FAM111B: variants seen among roughly 807,000 people sequenced by gnomAD.
FAM111B encodes serine protease FAM111B.
FAM111B carries 1 observed loss-of-function variant against 2.8 expected under a neutral mutation model. That is an observed-to-expected ratio of 0.36 (90% CI 0.13 to 1.70). The LOEUF is 1.70. FAM111B is among the 40% of genes most tolerant of loss of function. The pLI, the probability that FAM111B is intolerant of heterozygous loss-of-function variation, is 0.35. For synonymous variants in FAM111B, 297 were observed against 295.6 expected (o/e 1.00, Z -0.05); for missense variants, 882 against 878.9 (o/e 1.00, Z -0.04).
chr11:59,114,697 A>G (rs574303428), intron 3 of FAM111B, among the ~76,000 whole-genome samples: 1 of 152,320 alleles, frequency 6.6e-6, no homozygotes, highest in African/African-American at 2.4e-5. Context: ...TTGCAAACCT[A>G]CGTGCCTGGT....
intron 3 of FAM111B, among the ~76,000 whole-genome samples, chr11:59,115,181 T>A (rs1473350403): frequency 6.6e-6 from 1 of 152,132 alleles, no homozygotes; most frequent in South Asian, 2.1e-4. Flanking sequence ...CCACTTTCTC[T>A]CTTTCTTTAT....
At position 59,108,497 on chromosome 11, in the gene FAM111B, T is replaced by C. The variant is rs1332705406; in HGVS notation, c.-131-171T>C. Among the ~76,000 whole-genome samples, 3 of 152,206 alleles carry C rather than the reference T, an allele frequency of 2.0e-5. No homozygotes were observed. The East Asian group carries it at 5.8e-4, about 29-fold the overall frequency. On this transcript the variant is annotated intron_variant, in intron 1 of 3. Transcript: ENST00000343597. ...ATCTGGAATTCCTACTGGTTTTGTC[T>C]TGCTGCCCTTCCTTGCCACACTGGC... is the stretch of plus-strand genomic sequence containing the variant.
In FAM111B at chr11:59,125,141, T is replaced by C; in HGVS notation, c.1044T>C (p.Tyr348=). The change falls in exon 4 of 4, where the codon TAT becomes TAC. Residue 348 remains tyrosine, a synonymous_variant. Transcript: ENST00000343597. ...TRQTIPRIRN[Y]YFCSLPRKYR... ...AGACAATTCCCAGGATTAGAAATTA[T>C]TACTTTTGTAGTTTGCCCCGAAAAT... The C allele has an allele frequency of 1.2e-6, 2 of 1,613,950 alleles. No individual in the cohort carries two copies. Among genetic ancestry groups the C allele is most frequent in the South Asian group, 2.2e-5 (2 of 91,074 alleles).
intron 3 of FAM111B, among the ~76,000 whole-genome samples, chr11:59,118,084 G>A (rs1175115691): frequency 6.6e-6 from 1 of 152,200 alleles, no homozygotes; most frequent in African/African-American, 2.4e-5. Flanking sequence ...TTCACTGGTT[G>A]CAGGAGAGGA....
At chr11:59,109,238 C>T (rs1859716009) in intron 2 of FAM111B, among the ~76,000 whole-genome samples, 1 of 152,316 alleles carries the variant, frequency 6.6e-6, no homozygotes, top group African/African-American at 2.4e-5. Context: ...ATACCCACTG[C>T]AGATCTCTCA....
At chr11:59,115,596 GT>G (rs1467808431) in intron 3 of FAM111B, among the ~76,000 whole-genome samples, 3 of 152,196 alleles carry the variant, frequency 2.0e-5, no homozygotes, top group African/African-American at 4.8e-5. Flanking sequence ...CCAAGGAGAG[GT>G]CTTTTTGCTG....
chr11:59,109,258 C>T (rs1010414251), intron 2 of FAM111B, among the ~76,000 whole-genome samples: 1 of 152,162 alleles, frequency 6.6e-6, no homozygotes, highest in Non-Finnish European at 1.5e-5. Flanking sequence ...ATACTGTGTG[C>T]TCCTGTGGCT....
Position 59,125,194 on chromosome 11 carries a change from G to A in FAM111B, c.1097G>A (p.Arg366Gln), listed in dbSNP as rs368098540. The A allele has an allele frequency of 8.7e-6, 14 of 1,613,812 alleles. No individual in the cohort carries two copies. The highest frequency in any genetic ancestry group is 2.2e-5 in the East Asian group (1 of 44,888). The stretch of plus-strand genomic sequence containing the variant: ...AGGCAAATAAACTCACAAGTTAGAC[G>A]GAGGCCGCATCTGGGTAGGCGGTAT... ...KYRQINSQVR[R>Q]RPHLGRRYAI... The change falls in exon 4 of 4, where the codon CGG (arginine) becomes CAG (glutamine). Residue 366 changes from arginine (R) to glutamine (Q), a missense_variant. Coordinates refer to ENST00000343597, the MANE Select transcript of FAM111B (RefSeq NM_198947.4).
At chr11:59,107,858 T>A (rs1859689637) in intron 1 of FAM111B, among the ~76,000 whole-genome samples, 1 of 152,148 alleles carries the variant, frequency 6.6e-6, no homozygotes, top group South Asian at 2.1e-4. Context: ...CAGCAAGGAT[T>A]CAGGTTAGGG....
At position 59,124,993 on chromosome 11, in the gene FAM111B, T is replaced by C. The variant is rs1859994956; in HGVS notation, c.896T>C (p.Ile299Thr). Reference protein sequence around the residue: ...ATDEINHQSLIQSKKKVHKPK... With the variant: ...ATDEINHQSLTQSKKKVHKPK... Reference sequence around the variant, plus strand: ...GATGAAATTAATCACCAGAGTCTGATACAGTCTAAGAAAAAAGTCCACAAA... The same window carrying C: ...GATGAAATTAATCACCAGAGTCTGACACAGTCTAAGAAAAAAGTCCACAAA... The change falls in exon 4 of 4, where the codon ATA becomes ACA. Residue 299 changes from isoleucine (I) to threonine (T), a missense_variant. Transcript: ENST00000343597. The C allele has an allele frequency of 6.2e-7, 1 of 1,612,294 alleles. No individual in the cohort carries two copies. The highest frequency in any genetic ancestry group is 8.5e-7 in the Non-Finnish European group (1 of 1,179,630).
intron 3 of FAM111B, among the ~76,000 whole-genome samples, chr11:59,115,289 G>C (rs1222056043): frequency 2.6e-5 from 4 of 152,212 alleles, no homozygotes; most frequent in Non-Finnish European, 5.9e-5. Flanking sequence ...GTTACAGAAA[G>C]TCAAGGAATA....
Position 59,127,244 on chromosome 11 carries a change from G to A in FAM111B, c.*942G>A, listed in dbSNP as rs1860053787. 1 of 152,114 alleles carries A rather than the reference G, an allele frequency of 6.6e-6. No individual in the cohort carries two copies. Among genetic ancestry groups the A allele is most frequent in the Admixed American group, 6.6e-5 (1 of 15,254 alleles). The allele number at this position is 152,114 out of a possible 1,614,324, so 9.4% of individuals were successfully genotyped here. On this transcript the variant is annotated 3_prime_UTR_variant, in exon 4 of 4. Coordinates refer to ENST00000343597, the MANE Select transcript of FAM111B (RefSeq NM_198947.4). ...TATGGGGCCTACTTGAGGGTGGAGG[G>A]TGGGAGGAGGGTGAAGACTGAAAAA...
intron 3 of FAM111B, among the ~76,000 whole-genome samples, chr11:59,111,507 A>G (rs1466299085): frequency 2.6e-5 from 4 of 152,180 alleles, no homozygotes; most frequent in Non-Finnish European, 4.4e-5. Flanking sequence ...GTTAAATATT[A>G]ATGTTAAAAT....
intron 3 of FAM111B, among the ~76,000 whole-genome samples, chr11:59,111,736 G>A (rs1289259472): frequency 6.6e-6 from 1 of 152,126 alleles, no homozygotes; most frequent in African/African-American, 2.4e-5. Context: ...CTATTGGGCA[G>A]TACTAGTCTA....
rs1205048172 is a variant in FAM111B, at chr11:59,125,758, G to C, written c.1661G>C (p.Gly554Ala). The change falls in exon 4 of 4, where the codon GGA becomes GCA. Residue 554 changes from glycine to alanine, a missense_variant. Physicochemically the swap from Gly to Ala is moderately conservative, Grantham distance 60. Coordinates refer to ENST00000343597, the MANE Select transcript of FAM111B (RefSeq NM_198947.4). ...DYAILKLKEN[G>A]NAFPPGLWRQ... ...GCCATTTTAAAACTAAAAGAAAATG[G>C]AAATGCGTTTCCTCCAGGACTATGG... 6.2e-7 allele frequency: 1 copy of C among 1,613,770 alleles called. No individual in the cohort carries two copies. The highest frequency in any genetic ancestry group is 1.3e-5 in the African/African-American group (1 of 75,008).
In FAM111B at chr11:59,124,329, G is replaced by A. The variant is rs996017581; in HGVS notation, c.232G>A (p.Glu78Lys). 5 of 1,613,636 alleles carry A rather than the reference G, an allele frequency of 3.1e-6. No individual in the cohort carries two copies. The highest frequency in any genetic ancestry group is 3.3e-5 in the Admixed American group (2 of 59,958). ...EMQNPNLNNK[E>K]CCFTFTLNGN... ...GCAGAATCCAAATTTGAACAATAAA[G>A]AATGTTGTTTCACCTTTACGTTGAA... Residue 78 changes from glutamate to lysine, a missense_variant, in exon 4 of 4, where the codon GAA (glutamate) becomes AAA (lysine). Physicochemically the swap from Glu to Lys is moderately conservative, Grantham distance 56. Coordinates refer to ENST00000343597, the MANE Select transcript of FAM111B (RefSeq NM_198947.4).
intron 3 of FAM111B, among the ~76,000 whole-genome samples, chr11:59,119,771 GCTCA>G (rs1478488300): frequency 6.6e-6 from 1 of 152,068 alleles, no homozygotes; most frequent in East Asian, 1.9e-4. Flanking sequence ...ATAGAGGAGT[GCTCA>G]CTATTACTGC....
At chr11:59,111,307 C>T (rs1007876829) in intron 3 of FAM111B, among the ~76,000 whole-genome samples, 3 of 152,096 alleles carry the variant, frequency 2.0e-5, no homozygotes, top group South Asian at 2.1e-4. Context: ...CATTTCCATA[C>T]GTGTATGGCT....
At position 59,126,790 on chromosome 11, in the gene FAM111B, G is replaced by C. The variant is rs1860044732; in HGVS notation, c.*488G>C. On this transcript the variant is annotated 3_prime_UTR_variant, in exon 4 of 4. Coordinates refer to ENST00000343597, the MANE Select transcript of FAM111B (RefSeq NM_198947.4). ...AAAGGGGAATGCTTATACACTGCTA[G>C]TGGGAAAATAAATTAGTTCAGCCAT... 6.3e-6 allele frequency: 1 copy of C among 158,330 alleles called. No homozygotes were observed. Among genetic ancestry groups the C allele is most frequent in the African/African-American group, 2.4e-5 (1 of 41,448 alleles). The allele number at this position is 158,330 out of a possible 1,614,324, so 9.8% of individuals were successfully genotyped here. A position where few individuals can be genotyped will look rare whatever the true frequency, so the allele number is the denominator to read the frequency against.
Sources: gnomAD v4.1 joint callset for allele counts (sites outside exome capture counted in the v4.1 genomes callset) on GRCh38, gnomAD v4.1.1 for gene constraint, MANE v1.5 for transcripts, NCBI Gene and HGNC (gene_info 2026-07-23, HGNC 2026-07-21) for gene names.